The following LTBP1 variants were observed in gnomAD, a reference collection of about 807,000 sequenced individuals.
The protein encoded by LTBP1 is latent transforming growth factor beta binding protein 1, also known as latent-transforming growth factor beta-binding protein 1.
LTBP1 carries 129 observed loss-of-function variants against 207.6 expected under a neutral mutation model. That is an observed-to-expected ratio of 0.62 (90% CI 0.54 to 0.72). The LOEUF (loss-of-function observed/expected upper bound fraction) is 0.72. Among genes scored for constraint, LTBP1 ranks in the 30% least tolerant of loss-of-function variants. The probability of loss-of-function intolerance (pLI) is 0.00; values close to 1 mark genes in which losing one functional copy is unlikely to be tolerated. For synonymous variants in LTBP1, 963 were observed against 833.7 expected (o/e 1.16, Z -2.67); for missense variants, 2,281 against 2,217.2 (o/e 1.03, Z -0.58).
At position 33,257,492 on chromosome 2, in the gene LTBP1, A is replaced by C. The variant is rs371500815; in HGVS notation, c.2376A>C (p.Pro792=). Residue 792 remains proline, a synonymous_variant, in exon 12 of 34, where the codon CCA becomes CCC. Coordinates refer to ENST00000404816, the MANE Select transcript of LTBP1 (RefSeq NM_206943.4). ...EALTFSREHG[P]GVAEPEVATA... is the part of the protein sequence containing the mutation. ...TGACCTTCTCCCGGGAACACGGGCC[A>C]GGAGTGGCGGAGCCAGAAGGTGAGA... 1 of 1,614,150 alleles carries C rather than the reference A, an allele frequency of 6.2e-7. No individual in the cohort carries two copies. Among genetic ancestry groups the C allele is most frequent in the Non-Finnish European group, 8.5e-7 (1 of 1,179,962 alleles).
chr2:33,288,176 T>C (rs1190031319), intron 19 of LTBP1, among the ~76,000 whole-genome samples: 1 of 152,214 alleles, frequency 6.6e-6, no homozygotes, highest in Non-Finnish European at 1.5e-5. Context: ...ACTCATCTCA[T>C]TGAAAGTACA....
chr2:32,983,897 G>T (rs1683144119), intron 2 of LTBP1, among the ~76,000 whole-genome samples: 1 of 152,204 alleles, frequency 6.6e-6, no homozygotes, highest in African/African-American at 2.4e-5. Context: ...ATTCTCTAAA[G>T]CATCCTCTGA....
At chr2:33,215,343 CCTCT>C (rs1327282320) in intron 7 of LTBP1, among the ~76,000 whole-genome samples, 2 of 152,112 alleles carry the variant, frequency 1.3e-5, no homozygotes, top group African/African-American at 4.8e-5. Context: ...CATTCTCAGG[CCTCT>C]CTAACTCCTG....
At chr2:33,078,179 G>A (rs1158360557) in intron 3 of LTBP1, among the ~76,000 whole-genome samples, 6 of 152,218 alleles carry the variant, frequency 3.9e-5, no homozygotes, top group Non-Finnish European at 5.9e-5. Flanking sequence ...TGTTGTAACA[G>A]CATGAACTTG....
In LTBP1 at chr2:33,354,683, TACACACACACACACAC is replaced by T. The variant is rs71409608; in HGVS notation, c.4001-5883_4001-5868del. Among the ~76,000 whole-genome samples the T allele has an allele frequency of 0.018, 2,449 of 139,762 alleles. 135 individuals carry two copies. The East Asian group carries it at 0.18, about 10-fold the overall frequency. 91.7% of individuals were successfully genotyped at this position (139,762 alleles called of 152,430 possible). ...CAATCAAAGTGACAAACTAAAACTA[TACACACACACACACAC>T]ACACACACACACACACACACACACA... On this transcript the variant is annotated intron_variant, in intron 26 of 33. Coordinates refer to ENST00000404816, the MANE Select transcript of LTBP1 (RefSeq NM_206943.4).
At chr2:33,358,901 C>A (rs1156488475) in intron 26 of LTBP1, among the ~76,000 whole-genome samples, 2 of 152,072 alleles carry the variant, frequency 1.3e-5, no homozygotes. Flanking sequence ...GCTTGGAGGC[C>A]CTTCTAACGA....
At chr2:33,160,006 C>T (rs4474865) in intron 5 of LTBP1, among the ~76,000 whole-genome samples, 63,080 of 151,808 alleles carry the variant, frequency 0.42, 14,005 homozygotes, top group Non-Finnish European at 0.48. Flanking sequence ...CTCAGCCGCT[C>T]GAGCTGGGAT....
At chr2:33,360,355 C>T (rs938264032) in intron 26 of LTBP1, among the ~76,000 whole-genome samples, 2 of 152,148 alleles carry the variant, frequency 1.3e-5, no homozygotes, top group East Asian at 1.9e-4. Context: ...AATTGGTTCA[C>T]GTAAAAGGAA....
intron 31 of LTBP1, among the ~76,000 whole-genome samples, chr2:33,386,826 C>CTTT (rs1009498572): frequency 3.7e-3 from 439 of 119,300 alleles, no homozygotes; most frequent in African/African-American, 5.1e-3. Context: ...GAGCAAGACC[C>CTTT]TTTTTTTTTT....
intron 3 of LTBP1, among the ~76,000 whole-genome samples, chr2:33,092,867 C>G (rs1209045093): frequency 6.6e-6 from 1 of 152,190 alleles, no homozygotes; most frequent in Non-Finnish European, 1.5e-5. Flanking sequence ...CCCAACCTAC[C>G]TGGACCTATT....
At chr2:33,066,057 A>G (rs559869236) in intron 3 of LTBP1, among the ~76,000 whole-genome samples, 5 of 151,316 alleles carry the variant, frequency 3.3e-5, no homozygotes, top group Admixed American at 6.6e-5. Flanking sequence ...TTCTTGTTGA[A>G]CTCTTTATAT....
At chr2:33,164,727 C>G (rs1173652680) in intron 5 of LTBP1, among the ~76,000 whole-genome samples, 1 of 152,192 alleles carries the variant, frequency 6.6e-6, no homozygotes, top group East Asian at 1.9e-4. Flanking sequence ...TGTCAGGAGG[C>G]TGGAGATTTG....
At chr2:33,050,440 T>C (rs2076676049) in intron 3 of LTBP1, among the ~76,000 whole-genome samples, 1 of 151,998 alleles carries the variant, frequency 6.6e-6, no homozygotes, top group Non-Finnish European at 1.5e-5. Context: ...TGTGGAGAAA[T>C]TTCAGATTCC....
At chr2:33,105,688 C>A (rs992549820) in intron 3 of LTBP1, among the ~76,000 whole-genome samples, 1 of 152,140 alleles carries the variant, frequency 6.6e-6, no homozygotes, top group African/African-American at 2.4e-5. Context: ...CCGCTTCGGC[C>A]TCGCAAAGTG....
chr2:33,347,337 A>T (rs916485929), intron 25 of LTBP1, 30 bp from the exon 26 acceptor site: 5 of 1,613,876 alleles, frequency 3.1e-6, no homozygotes, highest in Non-Finnish European at 4.2e-6. Flanking sequence ...TGAGGCACAC[A>T]TCTCACTTGG....
chr2:33,142,505 T>A (rs1438827268), intron 5 of LTBP1, among the ~76,000 whole-genome samples: 2 of 151,858 alleles, frequency 1.3e-5, no homozygotes, highest in African/African-American at 2.4e-5. Context: ...GGACCCTGGG[T>A]AGACGAAGGG....
chr2:33,027,752 G>A (rs1040598497), intron 3 of LTBP1, among the ~76,000 whole-genome samples: 4 of 152,100 alleles, frequency 2.6e-5, no homozygotes, highest in Admixed American at 6.5e-5. Flanking sequence ...CAGGAGAATC[G>A]CTTGAACCCG....
chr2:33,044,177 G>GT (rs2076332196), intron 3 of LTBP1, among the ~76,000 whole-genome samples: 1 of 151,546 alleles, frequency 6.6e-6, no homozygotes, highest in African/African-American at 2.4e-5. Flanking sequence ...TGCAGAACAT[G>GT]GCAGGTATAC....
intron 7 of LTBP1, among the ~76,000 whole-genome samples, chr2:33,203,836 G>A (rs1049981725): frequency 2.0e-5 from 3 of 152,164 alleles, no homozygotes; most frequent in African/African-American, 7.2e-5. Flanking sequence ...TGGCAAAGTG[G>A]TAAGATTTTA....
Sources: gnomAD v4.1 joint callset for allele counts (sites outside exome capture counted in the v4.1 genomes callset) on GRCh38, gnomAD v4.1.1 for gene constraint, MANE v1.5 for transcripts, NCBI Gene and HGNC (gene_info 2026-07-23, HGNC 2026-07-21) for gene names.